KIF26B: variants seen among roughly 807,000 people sequenced by gnomAD.
The protein encoded by KIF26B is kinesin-like protein KIF26B.
A neutral mutation model predicts 151.2 loss-of-function variants in KIF26B; 63 were observed. The observed-to-expected ratio is 0.42, with a 90% CI of 0.34 to 0.51. The LOEUF (loss-of-function observed/expected upper bound fraction) is 0.51, where lower values mean the gene tolerates loss of function less well. KIF26B is among the 20% of genes least tolerant of loss of function. KIF26B has a pLI of 0.07. For synonymous variants in KIF26B, 1,357 were observed against 1,262.1 expected, an observed-to-expected ratio of 1.08 and a Z score of -1.59; for missense variants, 2,813 against 2,913.6, an observed-to-expected ratio of 0.97 and a Z score of 0.79.
chr1:245,588,028 C>A lies in KIF26B; in HGVS notation c.1351-14549C>A, dbSNP rs561150796. 7.9e-5 allele frequency among the ~76,000 whole-genome samples: 12 copies of A among 152,330 alleles called. No individual in the cohort carries two copies. In the South Asian group the frequency reaches 2.5e-3, roughly 32 times the overall value. On this transcript the variant is annotated intron_variant, in intron 5 of 14. Transcript: ENST00000407071. Reference sequence around the variant, plus strand: ...TCTGCCTTATTGATCAGGTGCCTTTCATTAAAGGTTTCCAAGCCCCTCGGC... The same window carrying A: ...TCTGCCTTATTGATCAGGTGCCTTTAATTAAAGGTTTCCAAGCCCCTCGGC...
intron 4 of KIF26B, among the ~76,000 whole-genome samples, chr1:245,459,455 C>T (rs1201018938): frequency 6.6e-6 from 1 of 152,094 alleles, no homozygotes; most frequent in Non-Finnish European, 1.5e-5. Context: ...GCAGTTCCAG[C>T]TTTCCATGAT....
chr1:245,256,394 C>A (rs1215440557), intron 2 of KIF26B, among the ~76,000 whole-genome samples: 1 of 152,200 alleles, frequency 6.6e-6, no homozygotes, highest in African/African-American at 2.4e-5. Flanking sequence ...TTAGAAGGGA[C>A]CTTCATCTTC....
chr1:245,367,115 C>A lies in KIF26B; in HGVS notation c.747C>A (p.Pro249=). The stretch of plus-strand genomic sequence containing the variant: ...AGCCCAGAGACTGGGCCTTTGTGCC[C>A]GCCCCCTGTGCCACCTCCAACTACA... ...LQQPRDWAFV[P]APCATSNYTG... is the part of the protein sequence containing the mutation. Residue 249 remains proline, a synonymous_variant, in exon 3 of 15, where the codon CCC becomes CCA. Coordinates refer to ENST00000407071, the MANE Select transcript of KIF26B (RefSeq NM_018012.4). The surrounding 1 kb of genome is among the most constrained non-coding windows in gnomAD (Gnocchi z 4.2). The A allele has an allele frequency of 6.3e-7, 1 of 1,591,262 alleles. No homozygotes were observed. Among genetic ancestry groups the A allele is most frequent in the East Asian group, 2.3e-5 (1 of 43,272 alleles).
intron 5 of KIF26B, among the ~76,000 whole-genome samples, chr1:245,557,725 C>T (rs138846500): frequency 6.6e-6 from 1 of 152,260 alleles, no homozygotes; most frequent in African/African-American, 2.4e-5. Context: ...ATATTTAGGT[C>T]TCCAGCTAGG....
intron 2 of KIF26B, among the ~76,000 whole-genome samples, chr1:245,158,645 G>A (rs564214644): frequency 3.9e-5 from 6 of 152,334 alleles, no homozygotes; most frequent in African/African-American, 7.2e-5. Flanking sequence ...AAGTGCATAC[G>A]TGAATGTCAC....
At chr1:245,449,663 C>T (rs769985533) in intron 4 of KIF26B, among the ~76,000 whole-genome samples, 10 of 152,064 alleles carry the variant, frequency 6.6e-5, no homozygotes, top group South Asian at 2.1e-4. Flanking sequence ...TTTGACAAAA[C>T]GGGAGACAGA....
At chr1:245,480,946 T>C (rs1426328582) in intron 4 of KIF26B, among the ~76,000 whole-genome samples, 1 of 151,654 alleles carries the variant, frequency 6.6e-6, no homozygotes, top group African/African-American at 2.4e-5. Context: ...CCCAGATTAG[T>C]TGGTTGATTC....
intron 2 of KIF26B, among the ~76,000 whole-genome samples, chr1:245,189,244 ATTGTTGATGCTT>A (rs1391966853): frequency 1.3e-5 from 2 of 152,198 alleles, no homozygotes; most frequent in Non-Finnish European, 2.9e-5. Flanking sequence ...ATTATCTTGC[ATTGTTGATGCTT>A]TTGTTCAAAT....
intron 2 of KIF26B, among the ~76,000 whole-genome samples, chr1:245,168,386 G>T (rs990456443): frequency 6.6e-6 from 1 of 152,106 alleles, no homozygotes; most frequent in Non-Finnish European, 1.5e-5. Context: ...AAACTGACAG[G>T]GTTCTTCCTG....
intron 2 of KIF26B, among the ~76,000 whole-genome samples, chr1:245,175,001 C>G (rs368900185): frequency 4.1e-4 from 63 of 152,294 alleles, no homozygotes; most frequent in African/African-American, 1.5e-3. Flanking sequence ...TTGCAGAGGA[C>G]TCCTTCAAAC....
chr1:245,471,380 C>T (rs1659909622), intron 4 of KIF26B, among the ~76,000 whole-genome samples: 1 of 152,040 alleles, frequency 6.6e-6, no homozygotes, highest in Non-Finnish European at 1.5e-5. Context: ...GTGATCCACC[C>T]ACCTCGGCCT....
At chr1:245,557,129 GC>G (rs1436395001) in intron 5 of KIF26B, among the ~76,000 whole-genome samples, 2 of 152,212 alleles carry the variant, frequency 1.3e-5, no homozygotes, top group Non-Finnish European at 2.9e-5. Context: ...TGGGACACTT[GC>G]TCTGCAGTGT....
intron 12 of KIF26B, among the ~76,000 whole-genome samples, chr1:245,695,320 A>G (rs896643531): frequency 5.9e-5 from 9 of 151,958 alleles, no homozygotes; most frequent in African/African-American, 2.2e-4. Context: ...CCTTCAGGCC[A>G]CTTCACTCCA....
chr1:245,313,556 C>T (rs761027439), intron 2 of KIF26B, among the ~76,000 whole-genome samples: 3 of 152,178 alleles, frequency 2.0e-5, no homozygotes, highest in Non-Finnish European at 4.4e-5. Flanking sequence ...TACTGGTGAC[C>T]ACTAGCCATG....
intron 2 of KIF26B, among the ~76,000 whole-genome samples, chr1:245,184,050 G>GTTGTTTTTTTGTTTTTTTTTTT (rs1553332271): frequency 5.0e-5 from 1 of 19,804 alleles, no homozygotes; most frequent in South Asian, 2.8e-3. Context: ...GGGAGTTGTT[G>GTTGTTTTTTTGTTTTTTTTTTT]TTTTTTTTTT....
chr1:245,515,771 C>G (rs901520463), intron 4 of KIF26B, among the ~76,000 whole-genome samples: 1 of 152,140 alleles, frequency 6.6e-6, no homozygotes, highest in African/African-American at 2.4e-5. Context: ...AGCAACAAAA[C>G]TTTTCATTGC....
chr1:245,509,343 T>G (rs1660785371), intron 4 of KIF26B, among the ~76,000 whole-genome samples: 1 of 152,182 alleles, frequency 6.6e-6, no homozygotes, highest in African/African-American at 2.4e-5. Flanking sequence ...TTGAAAAGTT[T>G]CCAAGAGGAT....
intron 5 of KIF26B, among the ~76,000 whole-genome samples, chr1:245,583,929 C>G (rs898833281): frequency 6.6e-6 from 1 of 152,194 alleles, no homozygotes; most frequent in Admixed American, 6.5e-5. Context: ...GTTCACAGTT[C>G]ACAAAAGGAC....
intron 5 of KIF26B, among the ~76,000 whole-genome samples, chr1:245,568,297 C>T (rs2043031715): frequency 1.3e-5 from 2 of 150,452 alleles, no homozygotes; most frequent in African/African-American, 2.4e-5. Context: ...AGCAGGATCA[C>T]TTGAGCTCAG....
Sources: allele counts gnomAD v4.1 joint callset (sites outside exome capture counted in the v4.1 genomes callset), GRCh38; gene constraint gnomAD v4.1.1; non-coding constraint Gnocchi (gnomAD v3.1); transcripts MANE v1.5; gene names NCBI Gene and HGNC (gene_info 2026-07-23, HGNC 2026-07-21).